The following EIF2AK3 variants were observed in gnomAD, a reference collection of about 807,000 sequenced individuals.
The protein encoded by EIF2AK3 is eukaryotic translation initiation factor 2-alpha kinase 3.
A neutral mutation model predicts 113.5 loss-of-function variants in EIF2AK3; 50 were observed. The ratio of observed to expected loss-of-function variants is 0.44; its 90% confidence interval spans 0.35 to 0.56. The LOEUF is 0.56. EIF2AK3 is among the 20% of genes least tolerant of loss of function. EIF2AK3 has a pLI of 0.00. For missense variants in EIF2AK3, 1,185 were observed against 1,378.0 expected (o/e 0.86, Z 2.22); for synonymous variants, 448 against 495.4 (o/e 0.90, Z 1.27).
chr2:88,563,264 C>A (rs1369550408), intron 14 of EIF2AK3, among the ~76,000 whole-genome samples: 9 of 152,164 alleles, frequency 5.9e-5, no homozygotes, highest in Non-Finnish European at 7.4e-5. Flanking sequence ...TTCACAACTT[C>A]CCCTCTAAAC....
At chr2:88,623,162 T>C (rs2103984946) in intron 1 of EIF2AK3, among the ~76,000 whole-genome samples, 1 of 152,352 alleles carries the variant, frequency 6.6e-6, no homozygotes, top group African/African-American at 2.4e-5. Context: ...AGTAACACTT[T>C]GCAATTTGCT....
intron 12 of EIF2AK3, 29 bp from the exon 13 acceptor site, chr2:88,575,475 A>G: frequency 6.2e-7 from 1 of 1,600,270 alleles, no homozygotes; most frequent in South Asian, 1.1e-5. Context: ...CAAAGGGGTA[A>G]GAGTGAATAT....
Position 88,557,021 on chromosome 2 carries a change from G to A in EIF2AK3, c.*715C>T, listed in dbSNP as rs1321444533. On this transcript the variant is annotated 3_prime_UTR_variant, in exon 17 of 17. Transcript: ENST00000303236. ...AAAAAGTCCATAGTTGAAGAAGTTAGTTGTAATATATATGATCCATTTCTT... is the reference window on the plus strand; with the variant it reads ...AAAAAGTCCATAGTTGAAGAAGTTAATTGTAATATATATGATCCATTTCTT... The A allele has an allele frequency of 6.6e-6, 1 of 152,340 alleles. No individual in the cohort carries two copies. The highest frequency in any genetic ancestry group is 1.5e-5 in the Non-Finnish European group (1 of 68,040). 9.4% of individuals were successfully genotyped at this position (152,340 alleles called of 1,614,324 possible).
chr2:88,569,392 G>C (rs539429961), intron 14 of EIF2AK3, among the ~76,000 whole-genome samples: 15 of 151,770 alleles, frequency 9.9e-5, no homozygotes, highest in Admixed American at 2.6e-4. Context: ...TGAACAATGT[G>C]AGAATGGCAT....
chr2:88,601,834 CTTTTTTT>C (rs59987968), intron 2 of EIF2AK3, among the ~76,000 whole-genome samples: 4 of 74,858 alleles, frequency 5.3e-5, no homozygotes, highest in African/African-American at 1.1e-4. Flanking sequence ...TAAGATTTTT[CTTTTTTT>C]TTTTTTTTTT....
At chr2:88,573,786 T>G (rs1325739441) in intron 13 of EIF2AK3, among the ~76,000 whole-genome samples, 1 of 152,180 alleles carries the variant, frequency 6.6e-6, no homozygotes, top group Non-Finnish European at 1.5e-5. Context: ...ATAGCTACTT[T>G]TGTGCCTGAA....
At chr2:88,586,102 C>A in intron 8 of EIF2AK3, 41 bp from the exon 9 acceptor site, 2 of 1,469,556 alleles carry the variant, frequency 1.4e-6, no homozygotes, top group South Asian at 1.1e-5. Flanking sequence ...TAAAGGTAAT[C>A]AAAAATAGGC....
At chr2:88,625,641 T>G (rs948584951) in intron 1 of EIF2AK3, among the ~76,000 whole-genome samples, 13 of 152,214 alleles carry the variant, frequency 8.5e-5, no homozygotes, top group African/African-American at 3.1e-4. Context: ...CTGCCTAACC[T>G]CTGCCACCCA....
chr2:88,596,526 G>A (rs1292299840), intron 2 of EIF2AK3, among the ~76,000 whole-genome samples: 1 of 152,124 alleles, frequency 6.6e-6, no homozygotes, highest in African/African-American at 2.4e-5. Flanking sequence ...GGGGTGGAGA[G>A]GGGATTATCA....
Position 88,575,329 on chromosome 2 carries a change from T to G in EIF2AK3, c.2154A>C (p.Arg718Ser), listed in dbSNP as rs779827181. ...AAATCCCTACTGAAAAAGACCTGCTTCTTTGTGGTGAAGGAGCTATGATTT... is the reference window on the plus strand; with the variant it reads ...AAATCCCTACTGAAAAAGACCTGCTGCTTTGTGGTGAAGGAGCTATGATTT... ...HIEIIAPSPQ[R>S]SRSFSVGISC... Residue 718 changes from arginine to serine, a missense_variant, in exon 13 of 17, where the codon AGA becomes AGC. Physicochemically the swap from Arg to Ser is moderately radical, Grantham distance 110. Coordinates refer to ENST00000303236, the MANE Select transcript of EIF2AK3 (RefSeq NM_004836.7). 12 of 1,614,196 alleles carry G rather than the reference T, an allele frequency of 7.4e-6. No individual in the cohort carries two copies. Among genetic ancestry groups the G allele is most frequent in the Non-Finnish European group, 1.0e-5 (12 of 1,180,024 alleles).
intron 2 of EIF2AK3, among the ~76,000 whole-genome samples, chr2:88,610,103 C>G (rs1196291088): frequency 2.6e-5 from 4 of 152,094 alleles, no homozygotes; most frequent in Admixed American, 6.5e-5. Context: ...GCCTGGGCAA[C>G]AGAGTGAGAC....
At chr2:88,582,205 G>A (rs761880991) in intron 10 of EIF2AK3, among the ~76,000 whole-genome samples, 1 of 152,188 alleles carries the variant, frequency 6.6e-6, no homozygotes, top group Non-Finnish European at 1.5e-5. Flanking sequence ...AAAGAAGACA[G>A]CTACTGTGCT....
intron 14 of EIF2AK3, among the ~76,000 whole-genome samples, chr2:88,563,822 T>G (rs911899930): frequency 6.6e-6 from 1 of 152,220 alleles, no homozygotes; most frequent in Non-Finnish European, 1.5e-5. Flanking sequence ...TCCAATTTTA[T>G]TTTCTAAAGT....
chr2:88,581,629 A>G (rs1674603858), intron 10 of EIF2AK3, among the ~76,000 whole-genome samples: 1 of 152,228 alleles, frequency 6.6e-6, no homozygotes, highest in South Asian at 2.1e-4. Context: ...TTTAATGAAC[A>G]GTGAATAACT....
At chr2:88,591,519 C>T (rs1269623767) in intron 4 of EIF2AK3, among the ~76,000 whole-genome samples, 1 of 152,150 alleles carries the variant, frequency 6.6e-6, no homozygotes, top group Non-Finnish European at 1.5e-5. Flanking sequence ...TAAATTCATA[C>T]TAAAACATGG....
chr2:88,579,575 G>C lies in EIF2AK3; in HGVS notation c.1829C>G (p.Ala610Gly). 1 of 1,613,694 alleles carries C rather than the reference G, an allele frequency of 6.2e-7. No homozygotes were observed. Among genetic ancestry groups the C allele is most frequent in the Non-Finnish European group, 8.5e-7 (1 of 1,179,772 alleles). The change falls in exon 11 of 17, where the codon GCT becomes GGT. Residue 610 changes from alanine (A) to glycine (G), a missense_variant. By Grantham distance (60) the Ala-to-Gly change is moderately conservative. Around this residue, in one of 3 missense-constraint regions of EIF2AK3, gnomAD observed 877 missense variants for 1,024.2 expected, o/e 0.86. Transcript: ENST00000303236. ...ATTGCAGTCATCTACTTTGTTTTTA[G>C]CTTCAAAAACAACTCCAAAGCCACC... ...GRGGFGVVFEAKNKVDDCNYA... is the reference protein window; with the variant it reads ...GRGGFGVVFEGKNKVDDCNYA...
intron 1 of EIF2AK3, among the ~76,000 whole-genome samples, chr2:88,617,875 G>T (rs745750637): frequency 9.2e-5 from 14 of 152,038 alleles, no homozygotes; most frequent in Non-Finnish European, 1.8e-4. Flanking sequence ...CTTAAAAAAG[G>T]TATGGCATTT....
chr2:88,583,168 T>C (rs142712567), intron 10 of EIF2AK3, among the ~76,000 whole-genome samples: 135 of 152,284 alleles, frequency 8.9e-4, no homozygotes, highest in African/African-American at 3.1e-3. Flanking sequence ...TCCTAGTACA[T>C]AGTAGACCCT....
At chr2:88,583,785 G>A (rs1288139990) in intron 9 of EIF2AK3, among the ~76,000 whole-genome samples, 1 of 152,052 alleles carries the variant, frequency 6.6e-6, no homozygotes. Context: ...TATGTCATAT[G>A]TACAGCATGA....
Sources: allele counts gnomAD v4.1 joint callset (sites outside exome capture counted in the v4.1 genomes callset), GRCh38; gene constraint gnomAD v4.1.1; regional missense constraint gnomAD v4.1.1; transcripts MANE v1.5; gene names NCBI Gene and HGNC (gene_info 2026-07-23, HGNC 2026-07-21).